RIMS2: variants seen among roughly 807,000 people sequenced by gnomAD.
The protein encoded by RIMS2 is regulating synaptic membrane exocytosis 2.
A neutral mutation model predicts 174.4 loss-of-function variants in RIMS2; 59 were observed. The ratio of observed to expected loss-of-function variants is 0.34; its 90% confidence interval spans 0.27 to 0.42. The LOEUF (loss-of-function observed/expected upper bound fraction) is 0.42. Ranked by LOEUF, RIMS2 falls within the 10% of genes least tolerant of loss-of-function variation. RIMS2 has a pLI of 1.00. For synonymous variants in RIMS2, 606 were observed against 572.5 expected (o/e 1.06, Z -0.84); for missense variants, 1,620 against 1,666.3 (o/e 0.97, Z 0.48).
chr8:103,538,605 C>T (rs1311408285), intron 1 of RIMS2, among the ~76,000 whole-genome samples: 1 of 152,132 alleles, frequency 6.6e-6, no homozygotes, highest in Non-Finnish European at 1.5e-5. Context: ...CAAGCTCCGC[C>T]TCCTGGGTTC....
intron 1 of RIMS2, among the ~76,000 whole-genome samples, chr8:103,648,833 C>T (rs1451673586): frequency 6.6e-6 from 1 of 152,124 alleles, no homozygotes; most frequent in Non-Finnish European, 1.5e-5. Flanking sequence ...CTATGTGTGT[C>T]TTTGCATGTG....
intron 19 of RIMS2, among the ~76,000 whole-genome samples, chr8:104,150,300 G>C (rs1294399467): frequency 6.6e-6 from 1 of 151,932 alleles, no homozygotes; most frequent in Non-Finnish European, 1.5e-5. Flanking sequence ...ATTCACTCAG[G>C]GTTCTTATTT....
At chr8:103,599,360 A>G (rs1414166349) in intron 1 of RIMS2, among the ~76,000 whole-genome samples, 1 of 149,966 alleles carries the variant, frequency 6.7e-6, no homozygotes, top group African/African-American at 2.4e-5. Context: ...CGAATCTAGT[A>G]TGTTTGACTC....
intron 1 of RIMS2, among the ~76,000 whole-genome samples, chr8:103,687,176 G>A (rs981095975): frequency 2.0e-5 from 3 of 151,830 alleles, no homozygotes; most frequent in African/African-American, 7.3e-5. Context: ...AATGAGGTAT[G>A]CTAGCTTCTG....
At chr8:103,634,578 A>G (rs1564103708) in intron 1 of RIMS2, among the ~76,000 whole-genome samples, 1 of 152,142 alleles carries the variant, frequency 6.6e-6, no homozygotes, top group Admixed American at 6.5e-5. Flanking sequence ...TATCTTTGTT[A>G]GTTTTCTTGT....
chr8:103,519,739 T>C (rs1376406794), intron 1 of RIMS2, among the ~76,000 whole-genome samples: 2 of 150,652 alleles, frequency 1.3e-5, no homozygotes, highest in Non-Finnish European at 3.0e-5. Context: ...ACTACTTTTT[T>C]TTTTTTTTTT....
intron 19 of RIMS2, among the ~76,000 whole-genome samples, chr8:104,077,286 A>T (rs1214419027): frequency 6.6e-6 from 1 of 152,036 alleles, no homozygotes; most frequent in Admixed American, 6.6e-5. Flanking sequence ...AGGAAGAAAC[A>T]CTGTTTCCAA....
At chr8:103,567,681 G>A (rs771118417) in intron 1 of RIMS2, among the ~76,000 whole-genome samples, 6 of 152,154 alleles carry the variant, frequency 3.9e-5, no homozygotes, top group Non-Finnish European at 5.9e-5. Flanking sequence ...TATATACCTA[G>A]GAGTGGAATT....
At chr8:103,541,144 G>A (rs182216736) in intron 1 of RIMS2, among the ~76,000 whole-genome samples, 35 of 152,272 alleles carry the variant, frequency 2.3e-4, no homozygotes, top group African/African-American at 7.2e-4. Context: ...TCCAATTACA[G>A]GAAGGTCAGG....
At chr8:104,010,573 C>T (rs1029412003) in intron 17 of RIMS2, among the ~76,000 whole-genome samples, 1 of 151,918 alleles carries the variant, frequency 6.6e-6, no homozygotes, top group Admixed American at 6.6e-5. Context: ...CCTTTGTGAA[C>T]GCATGCAGTT....
chr8:103,662,336 A>G (rs189208905), intron 1 of RIMS2, among the ~76,000 whole-genome samples: 11 of 152,346 alleles, frequency 7.2e-5, no homozygotes, highest in Admixed American at 2.0e-4. Flanking sequence ...ACAGTTAACG[A>G]CATCAGTTGA....
intron 3 of RIMS2, among the ~76,000 whole-genome samples, chr8:103,812,083 C>G (rs1452914631): frequency 6.6e-6 from 1 of 152,112 alleles, no homozygotes; most frequent in African/African-American, 2.4e-5. Context: ...TTTTGTACAT[C>G]AGAAAACAGC....
chr8:103,792,637 G>GTTT (rs57893772), intron 3 of RIMS2, among the ~76,000 whole-genome samples: 2,743 of 137,510 alleles, frequency 0.02, 44 homozygotes, highest in Middle Eastern at 0.044. Context: ...CCAGGAGCTG[G>GTTT]TTTTTTTTTT....
chr8:104,153,093 C>T (rs2098699856), intron 19 of RIMS2, among the ~76,000 whole-genome samples: 1 of 151,902 alleles, frequency 6.6e-6, no homozygotes, highest in African/African-American at 2.4e-5. Flanking sequence ...AAGGAGAAAC[C>T]TTTTATAAAG....
chr8:103,736,402 A>G (rs1266274437), intron 2 of RIMS2, among the ~76,000 whole-genome samples: 1 of 152,212 alleles, frequency 6.6e-6, no homozygotes, highest in Admixed American at 6.5e-5. Flanking sequence ...CACTTGTATG[A>G]ACAGACCTAG....
At chr8:103,931,119 AT>A in intron 11 of RIMS2, 143 bp from the exon 14 acceptor site, 1 of 547,384 alleles carries the variant, frequency 1.8e-6, no homozygotes, top group Non-Finnish European at 3.1e-6. Flanking sequence ...ATATCCTTTT[AT>A]TTTAACTAGC....
intron 1 of RIMS2, among the ~76,000 whole-genome samples, chr8:103,611,075 T>C (rs1400140027): frequency 6.6e-6 from 1 of 152,176 alleles, no homozygotes; most frequent in Non-Finnish European, 1.5e-5. Context: ...TTTAGGAATT[T>C]ATTCATTTCT....
At chr8:103,504,846 C>CTTTTTTTTTTTTTT (rs11367763) in intron 1 of RIMS2, among the ~76,000 whole-genome samples, 3 of 95,092 alleles carry the variant, frequency 3.2e-5, no homozygotes, top group African/African-American at 4.5e-5. Context: ...TTCTTTCTTT[C>CTTTTTTTTTTTTTT]TTTTTTTTTT....
intron 1 of RIMS2, among the ~76,000 whole-genome samples, chr8:103,659,439 G>A (rs76225473): frequency 6.6e-6 from 1 of 152,166 alleles, no homozygotes; most frequent in Non-Finnish European, 1.5e-5. Context: ...CAGCTGCACT[G>A]CTCAGGGCCC....
Sources: allele counts gnomAD v4.1 joint callset (sites outside exome capture counted in the v4.1 genomes callset), GRCh38; gene constraint gnomAD v4.1.1; transcripts MANE v1.5; gene names NCBI Gene and HGNC (gene_info 2026-07-23, HGNC 2026-07-21).